Variants in TSKS observed in about 807,000 individuals in gnomAD.
TSKS encodes the protein testis specific serine kinase substrate.
In TSKS, 27 loss-of-function variants were observed where a neutral mutation model predicts 68.0. The observed-to-expected ratio is 0.40, with a 90% CI of 0.29 to 0.55. TSKS has a LOEUF of 0.55. TSKS is among the 20% of genes least tolerant of loss of function. TSKS has a pLI of 0.53. For missense variants in TSKS, 806 were observed against 776.0 expected (o/e 1.04, Z -0.46); for synonymous variants, 331 against 340.4 (o/e 0.97, Z 0.30).
chr19:49,755,389 A>G (rs758179714), intron 2 of TSKS, among the ~76,000 whole-genome samples: 1 of 152,162 alleles, frequency 6.6e-6, no homozygotes, highest in African/African-American at 2.4e-5. Context: ...CAAGAAGCCA[A>G]ATGAACTCCA....
chr19:49,746,929 T>G, intron 5 of TSKS, 131 bp from the exon 6 acceptor site: 1 of 1,467,454 alleles, frequency 6.8e-7, no homozygotes, highest in Non-Finnish European at 9.1e-7. Flanking sequence ...ATGTTGGAAG[T>G]CTCACTGGCT....
intron 2 of TSKS, among the ~76,000 whole-genome samples, chr19:49,751,256 A>T (rs143229507): frequency 4.9e-4 from 69 of 140,040 alleles, no homozygotes; most frequent in African/African-American, 1.6e-3. Flanking sequence ...GAGAGCCTAG[A>T]TGGCGCCATT....
chr19:49,753,594 T>TAATAATAATAATAATAAA (rs1195769677), intron 2 of TSKS, among the ~76,000 whole-genome samples: 1 of 136,924 alleles, frequency 7.3e-6, no homozygotes, highest in African/African-American at 2.7e-5. Context: ...ATAATAATAA[T>TAATAATAATAATAATAAA]AAAATAAAAT....
chr19:49,744,193 A>G (rs371829415), intron 8 of TSKS, 38 bp downstream of exon 8: 245 of 1,598,558 alleles, frequency 1.5e-4, no homozygotes, highest in Non-Finnish European at 1.9e-4. Context: ...TTAATGTCCT[A>G]TCCACAAGGC....
In TSKS at chr19:49,745,244, T is replaced by C. The variant is rs2304202; in HGVS notation, c.1145A>G (p.Asp382Gly). ...CGCCCGACCTCGCAGCTCCTGCAAG[T>C]CCCGCGCCGTCTGTGCCTGTTCGCG... ...AQREQAQTAR[D>G]LQELRGRADE... Residue 382 changes from aspartate (D) to glycine (G), a missense_variant, in exon 7 of 11, where the codon GAC (aspartate) becomes GGC (glycine). By Grantham distance (94) the Asp-to-Gly change is moderately conservative. Coordinates refer to ENST00000246801, the MANE Select transcript of TSKS (RefSeq NM_021733.2). 0.062 allele frequency: 98,890 copies of C among 1,607,388 alleles called. 4,132 individuals carry two copies. The highest frequency in any genetic ancestry group is 0.21 in the African/African-American group (15,396 of 74,950).
intron 2 of TSKS, among the ~76,000 whole-genome samples, chr19:49,757,897 T>C (rs1268109623): frequency 6.6e-6 from 1 of 150,614 alleles, no homozygotes; most frequent in Non-Finnish European, 1.5e-5. Flanking sequence ...CTTCTTTTTT[T>C]TTTTTTTTTT....
At chr19:49,750,851 T>G (rs1386805635) in intron 2 of TSKS, among the ~76,000 whole-genome samples, 1 of 152,158 alleles carries the variant, frequency 6.6e-6, no homozygotes, top group Non-Finnish European at 1.5e-5. Context: ...GCAGTTCTCT[T>G]GGTTTCTCTC....
At chr19:49,762,542 C>T (rs2084452328) in intron 1 of TSKS, among the ~76,000 whole-genome samples, 2 of 152,062 alleles carry the variant, frequency 1.3e-5, no homozygotes, top group South Asian at 4.2e-4. Flanking sequence ...AATTCTCCTG[C>T]CTCAGCCTCC....
At chr19:49,743,660 G>T (rs2084271626) in intron 8 of TSKS, among the ~76,000 whole-genome samples, 1 of 151,642 alleles carries the variant, frequency 6.6e-6, no homozygotes, top group Non-Finnish European at 1.5e-5. Context: ...ACCACGCCCA[G>T]CTAATTTTTT....
chr19:49,743,085 G>GTT (rs768515300), intron 8 of TSKS, among the ~76,000 whole-genome samples: 11 of 143,154 alleles, frequency 7.7e-5, no homozygotes, highest in African/African-American at 1.8e-4. Context: ...TGTACTAAGT[G>GTT]TTTTTTTTTT....
intron 8 of TSKS, 64 bp from the exon 9 acceptor site, chr19:49,742,084 A>T: frequency 6.3e-7 from 1 of 1,585,342 alleles, no homozygotes; most frequent in Non-Finnish European, 8.6e-7. Flanking sequence ...CCCATGCCCC[A>T]TGCTCACCTG....
chr19:49,747,154 C>G (rs2084309933), intron 5 of TSKS: 2 of 1,536,008 alleles, frequency 1.3e-6, no homozygotes, highest in East Asian at 2.4e-5. Context: ...CACCTGAAGT[C>G]CAGCTCGATT....
intron 2 of TSKS, among the ~76,000 whole-genome samples, chr19:49,759,344 C>T (rs2084420417): frequency 6.6e-6 from 1 of 151,560 alleles, no homozygotes; most frequent in Non-Finnish European, 1.5e-5. Flanking sequence ...TGGCACACAC[C>T]TGTAGTCCCA....
At chr19:49,740,400 C>T (rs761947554) in intron 9 of TSKS, 1 of 586,616 alleles carries the variant, frequency 1.7e-6, no homozygotes, top group East Asian at 2.9e-5. Context: ...GTCCTATTGT[C>T]TGTCCCATGA....
chr19:49,742,463 T>A (rs1835312262), intron 8 of TSKS, among the ~76,000 whole-genome samples: 1 of 147,810 alleles, frequency 6.8e-6, no homozygotes, highest in African/African-American at 2.5e-5. Flanking sequence ...CCCAAAGTGC[T>A]GGGATTACAG....
At chr19:49,746,995 ACCTCCCACAG>A (rs1454823303) in intron 5 of TSKS, among the ~76,000 whole-genome samples, 197 bp from the exon 6 acceptor site, 2 of 151,818 alleles carry the variant, frequency 1.3e-5, no homozygotes, top group Non-Finnish European at 2.9e-5. Context: ...ATTCCCGCTA[ACCTCCCACAG>A]CCTGCCTCCA....
At chr19:49,740,744 C>T (rs557308082) in intron 9 of TSKS, among the ~76,000 whole-genome samples, 15 of 152,134 alleles carry the variant, frequency 9.9e-5, no homozygotes, top group Admixed American at 7.2e-4. Context: ...ATTAGCTGGG[C>T]GTGGTGGTGT....
At chr19:49,752,299 G>T (rs1455337815) in intron 2 of TSKS, among the ~76,000 whole-genome samples, 1 of 151,174 alleles carries the variant, frequency 6.6e-6, no homozygotes, top group Non-Finnish European at 1.5e-5. Flanking sequence ...CAGGAGAATC[G>T]CTTGAACCCG....
Position 49,746,703 on chromosome 19 carries a change from C to T in TSKS, c.759G>A (p.Glu253=). 2 of 1,601,722 alleles carry T rather than the reference C, an allele frequency of 1.2e-6. No individual in the cohort carries two copies. Residue 253 remains glutamate (E), a synonymous_variant, in exon 6 of 11, where the codon GAG becomes GAA. Coordinates refer to ENST00000246801, the MANE Select transcript of TSKS (RefSeq NM_021733.2). ...LQEPEEKQEP[E]EKQEPEEKQK... is the part of the protein sequence containing the mutation. ...GCTTCTCCTCCGGCTCCTGCTTCTC[C>T]TCCGGCTCCTGCTTCTCCTCCGGCT...
Sources: gnomAD v4.1 joint callset for allele counts (sites outside exome capture counted in the v4.1 genomes callset) on GRCh38, gnomAD v4.1.1 for gene constraint, MANE v1.5 for transcripts, NCBI Gene and HGNC (gene_info 2026-07-23, HGNC 2026-07-21) for gene names.